MIDN: variants seen among roughly 807,000 people sequenced by gnomAD.
MIDN encodes midnolin, also known as midbrain nucleolar protein.
In MIDN, 26 loss-of-function variants were observed where a neutral mutation model predicts 46.1. That is an observed-to-expected ratio of 0.56 (90% CI 0.41 to 0.78). The LOEUF is 0.78. Ranked by LOEUF, MIDN falls within the 30% of genes least tolerant of loss-of-function variation. The pLI, the probability that MIDN is intolerant of heterozygous loss-of-function variation, is 0.00. For missense variants in MIDN, 850 were observed against 771.8 expected (o/e 1.10, Z -1.20); for synonymous variants, 432 against 343.3 (o/e 1.26, Z -2.86).
intron 3 of MIDN, 90 bp from the exon 4 acceptor site, chr19:1,251,749 C>A (rs1238491848): frequency 2.6e-6 from 4 of 1,528,866 alleles, no homozygotes; most frequent in Non-Finnish European, 3.6e-6. Context: ...GGGGCCCCCA[C>A]CCCGCCAGCC....
At position 1,250,440 on chromosome 19, in the gene MIDN, G is replaced by C; in HGVS notation, c.144G>C (p.Pro48=). The stretch of plus-strand genomic sequence containing the variant: ...GCACCCGCTACGACCTGGCCGTGCC[G>C]CCCGACGAGACGGTGGAGGGGCTGC... ...TTGTRYDLAV[P]PDETVEGLRK... is the part of the protein sequence containing the mutation. The change falls in exon 2 of 9, where the codon CCG becomes CCC. Residue 48 remains proline (P), a synonymous_variant. Coordinates refer to ENST00000682408, the MANE Select transcript of MIDN (RefSeq NM_001388306.1). 1.4e-6 allele frequency: 2 copies of C among 1,384,134 alleles called. No homozygotes were observed. The highest frequency in any genetic ancestry group is 1.9e-6 in the Non-Finnish European group (2 of 1,047,000). The allele number at this position is 1,384,134 out of a possible 1,614,324, so 85.7% of individuals were successfully genotyped here.
intron 3 of MIDN, 23 bp downstream of exon 3, chr19:1,251,672 G>T: frequency 6.3e-7 from 1 of 1,591,220 alleles, no homozygotes; most frequent in South Asian, 1.1e-5. Flanking sequence ...GGGGCTGCGT[G>T]CCCCCAGAGG....
At chr19:1,253,477 C>T (rs1459089919) in intron 4 of MIDN, among the ~76,000 whole-genome samples, 2 of 150,494 alleles carry the variant, frequency 1.3e-5, no homozygotes, top group Non-Finnish European at 3.0e-5. Context: ...ATACCCAGAG[C>T]AGGGGGCTTG....
Position 1,257,078 on chromosome 19 carries a change from C to A in MIDN, c.1342C>A (p.Arg448Ser), listed in dbSNP as rs778898762. The A allele has an allele frequency of 1.2e-6, 2 of 1,612,356 alleles. No homozygotes were observed. The highest frequency in any genetic ancestry group is 1.7e-6 in the Non-Finnish European group (2 of 1,179,880). Residue 448 changes from arginine (R) to serine (S), a missense_variant, in exon 9 of 9, where the codon CGT becomes AGT. Arg to Ser is a moderately radical substitution (Grantham distance 110, BLOSUM62 -1). Coordinates refer to ENST00000682408, the MANE Select transcript of MIDN (RefSeq NM_001388306.1). ...GCTGCTTCTGCAGCAGAAACGGCTC[C>A]GTAGAAAGGCCCGGCGGGACGCGCG... ...LQLLLQQKRL[R>S]RKARRDARGP...
At position 1,249,924 on chromosome 19, in the gene MIDN, G is replaced by C. The variant is rs1161695083; in HGVS notation, c.-373G>C. ...GCGGCGGCGACGGCTGTTGCTAAGG[G>C]AGGGGACGCGCGAGGAAGCGCGACC... On this transcript the variant is annotated 5_prime_UTR_variant, in exon 2 of 9. Coordinates refer to ENST00000682408, the MANE Select transcript of MIDN (RefSeq NM_001388306.1). The C allele has an allele frequency of 6.6e-6, 1 of 151,998 alleles. No homozygotes were observed. The highest frequency in any genetic ancestry group is 6.5e-5 in the Admixed American group (1 of 15,278). The allele number at this position is 151,998 out of a possible 1,614,324, so 9.4% of individuals were successfully genotyped here. A position where few individuals can be genotyped will look rare whatever the true frequency, so the allele number is the denominator to read the frequency against.
At chr19:1,252,996 C>T (rs1427401059) in intron 4 of MIDN, among the ~76,000 whole-genome samples, 4 of 150,642 alleles carry the variant, frequency 2.7e-5, no homozygotes, top group East Asian at 3.9e-4. Flanking sequence ...GGCTTCACAC[C>T]CTCCTCCCTG....
At chr19:1,256,635 A>G (rs1016525994) in intron 8 of MIDN, among the ~76,000 whole-genome samples, 41 of 152,216 alleles carry the variant, frequency 2.7e-4, no homozygotes, top group African/African-American at 9.6e-4. Context: ...ATTAGAAGCC[A>G]GCTGCGTAGC....
In MIDN at chr19:1,251,616, G is replaced by C; in HGVS notation, c.288G>C (p.Leu96=). Residue 96 remains leucine, a synonymous_variant, in exon 3 of 9, where the codon CTG becomes CTC. Transcript: ENST00000682408. ...QEFGVGDGSK[L]TLVPTVEAGL... ...TCGGCGTGGGTGATGGCAGCAAGCT[G>C]ACCTTGGTACCCACCGTGGAAGCGG... The C allele has an allele frequency of 6.2e-7, 1 of 1,607,648 alleles. No homozygotes were observed. The highest frequency in any genetic ancestry group is 1.3e-5 in the African/African-American group (1 of 74,592).
Position 1,251,920 on chromosome 19 carries a change from C to T in MIDN, c.384+19C>T, listed in dbSNP as rs371250351. On this transcript the variant is annotated intron_variant, in intron 4 of 8. Transcript: ENST00000682408. ...GACGCAGGTAAGACCTCGCCAGCCC[C>T]TTCCTAACAGGGCAGCCCTGGGAGC... is the stretch of plus-strand genomic sequence containing the variant. The T allele has an allele frequency of 8.7e-6, 14 of 1,609,762 alleles. No individual in the cohort carries two copies. Among genetic ancestry groups the T allele is most frequent in the Admixed American group, 8.3e-5 (5 of 59,908 alleles).
rs1226189478 is a variant in MIDN at position 1,257,240 on chromosome 19, C to A, written c.1504C>A (p.Pro502Thr). 6.2e-7 allele frequency: 1 copy of A among 1,612,168 alleles called. No individual in the cohort carries two copies. ...CTCCGTGTGGAAGCCAGAAGTCAAC[C>A]CTGACATCAAGTCAGAGTTCGTGGT... ...EDSVWKPEVN[P>T]DIKSEFVVA The change falls in exon 9 of 9, where the codon CCT becomes ACT. Residue 502 changes from proline to threonine, a missense_variant. Pro to Thr is a conservative substitution (Grantham distance 38, BLOSUM62 -1). Transcript: ENST00000682408.
intron 6 of MIDN, among the ~76,000 whole-genome samples, chr19:1,254,694 C>T (rs1056193609): frequency 6.6e-6 from 1 of 152,100 alleles, no homozygotes; most frequent in Non-Finnish European, 1.5e-5. Context: ...ATGACCTGGA[C>T]CAGTAGATGA....
rs1335991165 is a variant in MIDN at position 1,254,162 on chromosome 19, T to C, written c.514-5T>C. ...CTCCCAGCTGACGGACCGCTCTCCT[T>C]GCAGGTCAGTGACTTCCTGTCGGGC... On this transcript the variant is annotated splice_polypyrimidine_tract_variant and splice_region_variant and intron_variant, in intron 5 of 8. Coordinates refer to ENST00000682408, the MANE Select transcript of MIDN (RefSeq NM_001388306.1). 20 of 1,592,000 alleles carry C rather than the reference T, an allele frequency of 1.3e-5. No individual in the cohort carries two copies. Among genetic ancestry groups the C allele is most frequent in the Non-Finnish European group, 1.6e-5 (19 of 1,174,796 alleles).
chr19:1,252,321 T>C (rs1015654946), intron 4 of MIDN, among the ~76,000 whole-genome samples: 1 of 151,722 alleles, frequency 6.6e-6, no homozygotes, highest in East Asian at 1.9e-4. Context: ...GCGGCTTGGG[T>C]GACACTCCTT....
At chr19:1,250,909 GTC>G (rs889126900) in intron 2 of MIDN, among the ~76,000 whole-genome samples, 2 of 151,584 alleles carry the variant, frequency 1.3e-5, no homozygotes, top group African/African-American at 4.8e-5. Context: ...CCCCACTTGC[GTC>G]TCTCTCCCCC....
In MIDN at chr19:1,257,337, C is replaced by T. The variant is rs546903569; in HGVS notation, c.*65C>T. 2.8e-6 allele frequency: 4 copies of T among 1,450,210 alleles called. No individual in the cohort carries two copies. The South Asian group carries it at 4.7e-5, about 17-fold the overall frequency. 89.8% of individuals were successfully genotyped at this position (1,450,210 alleles called of 1,614,324 possible). A position where few individuals can be genotyped will look rare whatever the true frequency, so the allele number is the denominator to read the frequency against. Reference sequence around the variant, plus strand: ...CCAGGGCGGCGGGGACTCCGAGAGCCCCGGAGAGAACGTGGCCCAGCCCTG... The same window carrying T: ...CCAGGGCGGCGGGGACTCCGAGAGCTCCGGAGAGAACGTGGCCCAGCCCTG... On this transcript the variant is annotated 3_prime_UTR_variant, in exon 9 of 9. Coordinates refer to ENST00000682408, the MANE Select transcript of MIDN (RefSeq NM_001388306.1).
chr19:1,257,492 T>C lies in MIDN; in HGVS notation c.*220T>C, dbSNP rs1599994239. The C allele has an allele frequency of 5.8e-6, 3 of 514,120 alleles. No individual in the cohort carries two copies. Among genetic ancestry groups the C allele is most frequent in the Non-Finnish European group, 1.0e-5 (3 of 293,638 alleles). The allele number at this position is 514,120 out of a possible 1,614,324, so 31.8% of individuals were successfully genotyped here. On this transcript the variant is annotated 3_prime_UTR_variant, in exon 9 of 9. Coordinates refer to ENST00000682408, the MANE Select transcript of MIDN (RefSeq NM_001388306.1). ...TTCATGGGCTTTGCTTCCTACCTCC[T>C]TCACCCTTCACTCCTGCCCTCCTCT...
In MIDN at chr19:1,254,982, C is replaced by T. The variant is rs553630543; in HGVS notation, c.906C>T (p.Ala302=). 2 of 1,613,188 alleles carry T rather than the reference C, an allele frequency of 1.2e-6. No individual in the cohort carries two copies. Among genetic ancestry groups the T allele is most frequent in the East Asian group, 2.2e-5 (1 of 44,886 alleles). The change falls in exon 7 of 9, where the codon GCC becomes GCT. Residue 302 remains alanine, a synonymous_variant. Transcript: ENST00000682408. ...CGTCTACCCCAGGGGCCAGCCCTGC[C>T]CCCCGCTCCCGAAAACCCGGCGCCG... ...STTSTPGASP[A]PRSRKPGAVI...
intron 2 of MIDN, 42 bp downstream of exon 2, chr19:1,250,571 C>A: frequency 9.4e-7 from 1 of 1,066,914 alleles, no homozygotes; most frequent in Non-Finnish European, 1.2e-6. Context: ...CCTCGGGCCC[C>A]GGCCCCCGGG....
At chr19:1,253,432 C>CCG (rs1555748738) in intron 4 of MIDN, among the ~76,000 whole-genome samples, 1 of 146,338 alleles carries the variant, frequency 6.8e-6, no homozygotes, top group Admixed American at 6.7e-5. Context: ...CCCCCCCCCC[C>CCG]ATCCCGGCCA....
Sources: gnomAD v4.1 joint callset for allele counts (sites outside exome capture counted in the v4.1 genomes callset) on GRCh38, gnomAD v4.1.1 for gene constraint, MANE v1.5 for transcripts, NCBI Gene and HGNC (gene_info 2026-07-23, HGNC 2026-07-21) for gene names.